Variants in ASTN1 observed in about 807,000 individuals in gnomAD.
ASTN1 encodes astrotactin 1, also known as astrotactin-1.
Under a neutral mutation model 140.7 loss-of-function variants are expected in ASTN1, and 41 were observed. That is an observed-to-expected ratio of 0.29 (90% confidence interval 0.23 to 0.38). The LOEUF (loss-of-function observed/expected upper bound fraction) is 0.38. ASTN1 is among the 10% of genes least tolerant of loss of function. The pLI is 1.00. For missense variants in ASTN1, 1,479 were observed against 1,678.8 expected, an observed-to-expected ratio of 0.88 and a Z score of 2.08; for synonymous variants, 640 against 652.2, an observed-to-expected ratio of 0.98 and a Z score of 0.29.
chr1:177,050,816 TG>T (rs1293559750), intron 2 of ASTN1, among the ~76,000 whole-genome samples: 1 of 152,196 alleles, frequency 6.6e-6, no homozygotes, highest in African/African-American at 2.4e-5. Context: ...CATCAATGTC[TG>T]GAAGCATAAT....
chr1:177,147,725 C>T (rs1553262662), intron 1 of ASTN1, among the ~76,000 whole-genome samples: 1 of 152,172 alleles, frequency 6.6e-6, no homozygotes, highest in Non-Finnish European at 1.5e-5. Context: ...CAGGAATGGA[C>T]TCTGATTAGC....
intron 16 of ASTN1, among the ~76,000 whole-genome samples, chr1:176,925,277 A>G (rs576450789): frequency 9.2e-5 from 14 of 152,280 alleles, no homozygotes; most frequent in Non-Finnish European, 1.8e-4. Context: ...AAGTTTCTGT[A>G]TTAGACAGGA....
At position 177,164,469 on chromosome 1, in the gene ASTN1, C is replaced by T. The variant is rs1472167918; in HGVS notation, c.208G>A (p.Val70Met). The T allele has an allele frequency of 6.2e-7, 1 of 1,613,802 alleles. No homozygotes were observed. Among genetic ancestry groups the T allele is most frequent in the Non-Finnish European group, 8.5e-7 (1 of 1,179,936 alleles). ...ATTTCTCCCGGGAAGTCGTTGCGCACCGAGAAGAGGAGCTTGGGCTCCGAG... is the reference window on the plus strand; with the variant it reads ...ATTTCTCCCGGGAAGTCGTTGCGCATCGAGAAGAGGAGCTTGGGCTCCGAG... Reference protein sequence around the residue: ...SASEPKLLFSVRNDFPGEMVV... With the variant: ...SASEPKLLFSMRNDFPGEMVV... Residue 70 changes from valine to methionine, a missense_variant, in exon 1 of 23, where the codon GTG becomes ATG. Around this residue, in one of 3 missense-constraint regions of ASTN1, gnomAD observed 729 missense variants for 860.4 expected, o/e 0.85. Transcript: ENST00000361833.
At chr1:177,094,360 A>C (rs1389370393) in intron 1 of ASTN1, among the ~76,000 whole-genome samples, 1 of 152,218 alleles carries the variant, frequency 6.6e-6, no homozygotes, top group Non-Finnish European at 1.5e-5. Flanking sequence ...GGCAGTTTTA[A>C]GTGAAGGGAG....
At chr1:176,917,576 C>T (rs1213230807) in intron 16 of ASTN1, among the ~76,000 whole-genome samples, 3 of 152,102 alleles carry the variant, frequency 2.0e-5, no homozygotes, top group African/African-American at 4.8e-5. Flanking sequence ...AAAACAAATG[C>T]ATTGCTTTGG....
At chr1:176,872,910 G>A (rs1423320268) in intron 21 of ASTN1, among the ~76,000 whole-genome samples, 1 of 152,036 alleles carries the variant, frequency 6.6e-6, no homozygotes, top group Non-Finnish European at 1.5e-5. Context: ...TCCATAACAC[G>A]TATCGCCATC....
At chr1:177,119,089 C>T (rs546545936) in intron 1 of ASTN1, among the ~76,000 whole-genome samples, 159 of 152,124 alleles carry the variant, frequency 1.0e-3, no homozygotes, top group Non-Finnish European at 1.6e-3. Flanking sequence ...TAAGCTGCAC[C>T]CACCTCTGTG....
chr1:177,031,432 G>C (rs1023282940), intron 3 of ASTN1, among the ~76,000 whole-genome samples: 1 of 152,190 alleles, frequency 6.6e-6, no homozygotes, highest in Non-Finnish European at 1.5e-5. Context: ...AAAGGCATTT[G>C]AGTTGATAAT....
At chr1:176,885,010 G>A (rs891754960) in intron 18 of ASTN1, among the ~76,000 whole-genome samples, 1 of 152,182 alleles carries the variant, frequency 6.6e-6, no homozygotes, top group Non-Finnish European at 1.5e-5. Context: ...TTCTTGCTAT[G>A]GGAACTAACC....
intron 1 of ASTN1, among the ~76,000 whole-genome samples, chr1:177,124,854 G>A (rs1052053503): frequency 6.6e-6 from 1 of 152,168 alleles, no homozygotes; most frequent in Non-Finnish European, 1.5e-5. Context: ...CAAAGAGAAA[G>A]CATTTTCACA....
intron 21 of ASTN1, among the ~76,000 whole-genome samples, chr1:176,875,399 A>G (rs1365163744): frequency 6.6e-6 from 1 of 152,226 alleles, no homozygotes. Flanking sequence ...ATGGCAATAC[A>G]TGAAAGAGTT....
intron 17 of ASTN1, among the ~76,000 whole-genome samples, chr1:176,891,213 T>C (rs1669250112): frequency 6.6e-6 from 1 of 152,210 alleles, no homozygotes; most frequent in Admixed American, 6.5e-5. Context: ...GCATAGGGAA[T>C]CCACATTTGT....
intron 1 of ASTN1, among the ~76,000 whole-genome samples, chr1:177,140,163 C>T (rs1007483509): frequency 3.3e-5 from 5 of 152,138 alleles, no homozygotes; most frequent in African/African-American, 9.7e-5. Flanking sequence ...AGCGATGCTA[C>T]AGGAAGTCAA....
At chr1:176,992,640 G>C (rs1289755067) in intron 8 of ASTN1, among the ~76,000 whole-genome samples, 2 of 152,112 alleles carry the variant, frequency 1.3e-5, no homozygotes, top group Non-Finnish European at 2.9e-5. Context: ...TCTCTTCTAA[G>C]ATGATTTTTA....
chr1:177,025,340 T>C (rs995788761), intron 5 of ASTN1, among the ~76,000 whole-genome samples: 76 of 152,310 alleles, frequency 5.0e-4, no homozygotes, highest in African/African-American at 1.8e-3. Context: ...CTGGAATCAT[T>C]GGAGGAAATA....
intron 1 of ASTN1, among the ~76,000 whole-genome samples, chr1:177,136,223 C>A (rs2102213348): frequency 6.6e-6 from 1 of 152,310 alleles, no homozygotes; most frequent in East Asian, 1.9e-4. Flanking sequence ...GTGAACATAT[C>A]CCAGCTGGAT....
At chr1:176,971,046 T>C (rs1673121879) in intron 8 of ASTN1, among the ~76,000 whole-genome samples, 1 of 152,194 alleles carries the variant, frequency 6.6e-6, no homozygotes, top group Admixed American at 6.6e-5. Flanking sequence ...GGTCCCAGTA[T>C]GGGATATTAT....
In ASTN1 at chr1:177,023,438, C is replaced by T. The variant is rs767258845; in HGVS notation, c.1404G>A (p.Leu468=). The change falls in exon 7 of 23, where the codon CTG becomes CTA. Residue 468 remains leucine (L), a synonymous_variant. Transcript: ENST00000361833. ...GGTCACATTGGTGTTCACAGGGGTC[C>T]AGGAGCCGCCGGGCACAGAGGTCCA... is the stretch of plus-strand genomic sequence containing the variant. ...WAMDLCARRL[L]DPCEHQCDPE... 1.9e-6 allele frequency: 3 copies of T among 1,602,572 alleles called. No homozygotes were observed. Among genetic ancestry groups the T allele is most frequent in the African/African-American group, 2.7e-5 (2 of 74,344 alleles).
chr1:176,900,397 A>G (rs1193672378), intron 16 of ASTN1, among the ~76,000 whole-genome samples: 1 of 152,144 alleles, frequency 6.6e-6, no homozygotes, highest in Non-Finnish European at 1.5e-5. Flanking sequence ...AGCAAAACGC[A>G]CTGCTAACTT....
Sources: allele counts gnomAD v4.1 joint callset (sites outside exome capture counted in the v4.1 genomes callset), GRCh38; gene constraint gnomAD v4.1.1; regional missense constraint gnomAD v4.1.1; transcripts MANE v1.5; gene names NCBI Gene and HGNC (gene_info 2026-07-23, HGNC 2026-07-21).